Variants in ZNF33A observed in about 807,000 individuals in gnomAD.
ZNF33A encodes brain my041 protein.
A neutral mutation model predicts 15.9 loss-of-function variants in ZNF33A; 9 were observed. The ratio of observed to expected loss-of-function variants is 0.57; its 90% CI spans 0.34 to 0.99. The LOEUF is 0.99. Among genes scored for constraint, ZNF33A ranks in the 50% least tolerant of loss-of-function variants. ZNF33A has a pLI of 0.02. For synonymous variants in ZNF33A, 294 were observed against 324.2 expected, an observed-to-expected ratio of 0.91 and a Z score of 1.00; for missense variants, 843 against 941.6, an observed-to-expected ratio of 0.90 and a Z score of 1.37.
intron 1 of ZNF33A, among the ~76,000 whole-genome samples, chr10:38,011,507 G>A (rs1481010630): frequency 1.3e-5 from 2 of 152,086 alleles, no homozygotes; most frequent in Non-Finnish European, 1.5e-5. Flanking sequence ...CCCGGGAGGC[G>A]GAGGTTACAG....
downstream of ZNF33A, among the ~76,000 whole-genome samples, chr10:38,060,298 G>A (rs1480388870): frequency 6.6e-6 from 1 of 152,140 alleles, no homozygotes; most frequent in East Asian, 1.9e-4. Flanking sequence ...TTCCACAGGT[G>A]AGGTAACTTA....
intron 2 of ZNF33A, 106 bp downstream of exon 2, chr10:38,012,456 G>A: frequency 1.6e-6 from 2 of 1,265,232 alleles, no homozygotes; most frequent in Non-Finnish European, 2.2e-6. Context: ...TTGTGAGACG[G>A]AGTCTCACTC....
chr10:38,021,833 G>A (rs1045760193), intron 4 of ZNF33A, among the ~76,000 whole-genome samples: 2 of 152,150 alleles, frequency 1.3e-5, no homozygotes, highest in African/African-American at 2.4e-5. Context: ...CAGTAATAGA[G>A]TGACAATAGG....
At chr10:38,050,153 C>A (rs1398944979) in intron 4 of ZNF33A, among the ~76,000 whole-genome samples, 1 of 152,174 alleles carries the variant, frequency 6.6e-6, no homozygotes, top group East Asian at 1.9e-4. Context: ...CTAAATCATT[C>A]TTTGAGTCCA....
chr10:38,026,491 T>C (rs1054821414), intron 4 of ZNF33A, among the ~76,000 whole-genome samples: 1 of 152,080 alleles, frequency 6.6e-6, no homozygotes, highest in African/African-American at 2.4e-5. Flanking sequence ...CATGCCACCA[T>C]GCCTGGCTAA....
chr10:38,017,083 C>A, intron 3 of ZNF33A, 68 bp downstream of exon 3: 3 of 1,556,622 alleles, frequency 1.9e-6, no homozygotes, highest in South Asian at 1.2e-5. Flanking sequence ...AGCGTATGGG[C>A]AGTCTGTATA....
At chr10:38,039,851 T>G (rs927734660) in intron 4 of ZNF33A, among the ~76,000 whole-genome samples, 1 of 151,876 alleles carries the variant, frequency 6.6e-6, no homozygotes, top group African/African-American at 2.4e-5. Context: ...CTATTGTTTT[T>G]CTGTTCTCTA....
intron 4 of ZNF33A, among the ~76,000 whole-genome samples, chr10:38,034,942 T>C (rs1590593590): frequency 6.6e-6 from 1 of 152,116 alleles, no homozygotes; most frequent in Admixed American, 6.5e-5. Flanking sequence ...TAAATAGTTC[T>C]ACATGTAACC....
At chr10:38,023,106 C>T (rs865795721) in intron 4 of ZNF33A, among the ~76,000 whole-genome samples, 35 of 152,034 alleles carry the variant, frequency 2.3e-4, no homozygotes, top group Middle Eastern at 3.2e-3. Context: ...CCACCACACT[C>T]GGCTAATTTC....
At chr10:38,019,582 G>A (rs887028177) in intron 4 of ZNF33A, among the ~76,000 whole-genome samples, 12 of 152,210 alleles carry the variant, frequency 7.9e-5, no homozygotes, top group African/African-American at 2.9e-4. Context: ...GAAGTAGTAT[G>A]TTTTCTCAAG....
intron 4 of ZNF33A, among the ~76,000 whole-genome samples, chr10:38,046,950 T>A (rs1026330837): frequency 2.0e-5 from 3 of 151,520 alleles, no homozygotes; most frequent in African/African-American, 7.3e-5. Context: ...AAGGGAAGGA[T>A]CTCCTGAGCT....
intron 4 of ZNF33A, among the ~76,000 whole-genome samples, chr10:38,030,413 G>A (rs138264249): frequency 6.6e-6 from 1 of 152,228 alleles, no homozygotes; most frequent in East Asian, 1.9e-4. Context: ...TGGAATGAAT[G>A]GCCAATACAT....
chr10:38,042,895 C>G (rs1040074039), intron 4 of ZNF33A, among the ~76,000 whole-genome samples: 2 of 152,030 alleles, frequency 1.3e-5, no homozygotes, highest in Non-Finnish European at 2.9e-5. Context: ...TGTTATAGGT[C>G]CAACAATACA....
At chr10:38,049,075 C>T (rs2066082676) in intron 4 of ZNF33A, among the ~76,000 whole-genome samples, 1 of 152,022 alleles carries the variant, frequency 6.6e-6, no homozygotes, top group African/African-American at 2.4e-5. Flanking sequence ...AGAGTATTTT[C>T]TCCCACCATA....
Position 38,010,780 on chromosome 10 carries a change from TG to T in ZNF33A, c.-45+1del, listed in dbSNP as rs1341812470. 6.3e-7 allele frequency: 1 copy of T among 1,597,506 alleles called. No individual in the cohort carries two copies. Among genetic ancestry groups the T allele is most frequent in the Non-Finnish European group, 8.5e-7 (1 of 1,179,634 alleles). ...TGGCGAATGCAACCCGACGAGGGAG[TG>T]GGGTAAGCCCCAGTGGGTTGGGCAG... On this transcript the variant is annotated splice_region_variant and 5_prime_UTR_variant, in exon 1 of 5. Transcript: ENST00000432900.
chr10:38,050,974 A>G (rs575338696), intron 4 of ZNF33A, among the ~76,000 whole-genome samples: 2 of 152,386 alleles, frequency 1.3e-5, no homozygotes, highest in Admixed American at 6.5e-5. Context: ...CCACAGGCTT[A>G]GAAATAGGAA....
chr10:38,016,953 C>G lies in ZNF33A; in HGVS notation c.92C>G (p.Pro31Arg). 1.2e-6 allele frequency: 2 copies of G among 1,613,950 alleles called. No individual in the cohort carries two copies. Among genetic ancestry groups the G allele is most frequent in the South Asian group, 2.2e-5 (2 of 91,048 alleles). Reference protein sequence around the residue: ...FTQEEWQHLDPSQRALYRDVM... With the variant: ...FTQEEWQHLDRSQRALYRDVM... The stretch of plus-strand genomic sequence containing the variant: ...CAGGAGGAGTGGCAGCACCTGGACC[C>G]TAGTCAGAGGGCTCTGTATAGAGAT... The change falls in exon 3 of 5, where the codon CCT (proline) becomes CGT (arginine). Residue 31 changes from proline (P) to arginine (R), a missense_variant. Pro to Arg is a moderately radical substitution (Grantham distance 103). Coordinates refer to ENST00000432900, the MANE Select transcript of ZNF33A (RefSeq NM_006954.2).
chr10:38,034,185 T>C (rs1489616854), intron 4 of ZNF33A, among the ~76,000 whole-genome samples: 1 of 152,262 alleles, frequency 6.6e-6, no homozygotes, highest in Non-Finnish European at 1.5e-5. Context: ...TTGCAACAGC[T>C]GTTGAACCAA....
chr10:38,067,626 A>G (rs1253470352), downstream of ZNF33A, among the ~76,000 whole-genome samples: 1 of 152,116 alleles, frequency 6.6e-6, no homozygotes, highest in African/African-American at 2.4e-5. Flanking sequence ...CTGTGTTTGT[A>G]CTTTTTGGAT....
Sources: allele counts gnomAD v4.1 joint callset (sites outside exome capture counted in the v4.1 genomes callset), GRCh38; gene constraint gnomAD v4.1.1; transcripts MANE v1.5; gene names NCBI Gene and HGNC (gene_info 2026-07-23, HGNC 2026-07-21).